RIMS2: variants seen among roughly 807,000 people sequenced by gnomAD.
RIMS2 encodes regulating synaptic membrane exocytosis protein 2.
In RIMS2, 59 loss-of-function variants were observed where a neutral mutation model predicts 174.4. That is an observed-to-expected ratio of 0.34 (90% CI 0.27 to 0.42). The LOEUF is 0.42. RIMS2 is among the 10% of genes least tolerant of loss of function. The probability of loss-of-function intolerance (pLI) is 1.00; values close to 1 mark genes in which losing one functional copy is unlikely to be tolerated. For synonymous variants in RIMS2, 606 were observed against 572.5 expected, an observed-to-expected ratio of 1.06 and a Z score of -0.84; for missense variants, 1,620 against 1,666.3, an observed-to-expected ratio of 0.97 and a Z score of 0.48.
At chr8:104,214,654 G>T (rs185970906) in intron 19 of RIMS2, among the ~76,000 whole-genome samples, 119 of 152,226 alleles carry the variant, frequency 7.8e-4, no homozygotes, top group African/African-American at 2.7e-3. Context: ...CACCATGTTG[G>T]CCAGGCTGAT....
intron 1 of RIMS2, among the ~76,000 whole-genome samples, chr8:103,552,908 A>G (rs576463405): frequency 6.6e-6 from 1 of 152,332 alleles, no homozygotes; most frequent in Non-Finnish European, 1.5e-5. Flanking sequence ...ACCATCTCAC[A>G]CCAGTTAGAA....
At chr8:104,230,451 G>T (rs1209074729) in intron 19 of RIMS2, among the ~76,000 whole-genome samples, 2 of 151,974 alleles carry the variant, frequency 1.3e-5, no homozygotes, top group African/African-American at 4.8e-5. Context: ...TTCACAACCA[G>T]CATGGGCAAC....
chr8:103,637,706 T>C (rs879929242), intron 1 of RIMS2, among the ~76,000 whole-genome samples: 17 of 152,182 alleles, frequency 1.1e-4, no homozygotes, highest in Non-Finnish European at 2.2e-4. Context: ...AGTGTATTTA[T>C]CAAAACAAAG....
In RIMS2 at chr8:103,908,975, T is replaced by C. The variant is rs555310885; in HGVS notation, c.1625-1159T>C. 8.5e-5 allele frequency among the ~76,000 whole-genome samples: 13 copies of C among 152,330 alleles called. No individual in the cohort carries two copies. In the East Asian group the frequency reaches 2.3e-3, roughly 27 times the overall value. On this transcript the variant is annotated intron_variant, in intron 4 of 23. Transcript: ENST00000504942. ...AATACTATATTCTTCTTCATTCTTT[T>C]TGGTTCAGAAACCATGGTGTTCCTT... is the stretch of plus-strand genomic sequence containing the variant.
At chr8:104,235,537 C>T (rs527703219) in intron 19 of RIMS2, among the ~76,000 whole-genome samples, 159 of 152,110 alleles carry the variant, frequency 1.0e-3, no homozygotes, top group African/African-American at 3.7e-3. Context: ...TGAGTTTTTT[C>T]CCAACTTTTA....
At chr8:103,676,728 AT>A (rs2136534707) in intron 1 of RIMS2, among the ~76,000 whole-genome samples, 1 of 152,274 alleles carries the variant, frequency 6.6e-6, no homozygotes, top group African/African-American at 2.4e-5. Flanking sequence ...TACACCTGTA[AT>A]CCCAGCACTT....
At chr8:103,893,208 A>G (rs1461016260) in intron 4 of RIMS2, among the ~76,000 whole-genome samples, 1 of 152,104 alleles carries the variant, frequency 6.6e-6, no homozygotes, top group Non-Finnish European at 1.5e-5. Flanking sequence ...GAAACATGAA[A>G]TAAGATAGCA....
intron 2 of RIMS2, among the ~76,000 whole-genome samples, chr8:103,748,330 A>G (rs1054117923): frequency 6.6e-6 from 1 of 151,996 alleles, no homozygotes; most frequent in Non-Finnish European, 1.5e-5. Context: ...CTGTAGTCCC[A>G]GCTACTTGAG....
At chr8:103,526,954 G>A (rs1259715143) in intron 1 of RIMS2, among the ~76,000 whole-genome samples, 1 of 152,084 alleles carries the variant, frequency 6.6e-6, no homozygotes. Flanking sequence ...ACCATAGCTA[G>A]GCATATCACA....
chr8:103,942,187 C>T (rs1450197602), intron 13 of RIMS2, among the ~76,000 whole-genome samples: 2 of 152,148 alleles, frequency 1.3e-5, no homozygotes, highest in Non-Finnish European at 2.9e-5. Context: ...TTATTTGCCT[C>T]TGTGGGTCCA....
chr8:103,582,620 A>C (rs1563876145), intron 1 of RIMS2, among the ~76,000 whole-genome samples: 2 of 152,118 alleles, frequency 1.3e-5, no homozygotes, highest in African/African-American at 4.8e-5. Flanking sequence ...GAAACCTTGG[A>C]CCTTAAAGGA....
intron 19 of RIMS2, among the ~76,000 whole-genome samples, chr8:104,086,138 A>G (rs1480438531): frequency 6.6e-6 from 1 of 152,076 alleles, no homozygotes; most frequent in East Asian, 1.9e-4. Flanking sequence ...CATAGAGTAG[A>G]AACCCTGAGT....
chr8:104,080,307 C>T (rs1269316159), intron 19 of RIMS2, among the ~76,000 whole-genome samples: 2 of 152,036 alleles, frequency 1.3e-5, no homozygotes, highest in Non-Finnish European at 2.9e-5. Context: ...TAATCAGTCT[C>T]ATCATTAATT....
chr8:103,918,733 A>G, intron 9 of RIMS2: 5 of 410,408 alleles, frequency 1.2e-5, no homozygotes, highest in Non-Finnish European at 2.2e-5. Context: ...ATTAAGGTAT[A>G]CTACAATAAA....
At chr8:103,592,578 G>A (rs966842565) in intron 1 of RIMS2, among the ~76,000 whole-genome samples, 2 of 151,432 alleles carry the variant, frequency 1.3e-5, no homozygotes, top group Admixed American at 6.6e-5. Flanking sequence ...TTCTCAAAGT[G>A]TGATATGTGG....
chr8:103,578,603 A>G (rs906878038), intron 1 of RIMS2, among the ~76,000 whole-genome samples: 2 of 152,112 alleles, frequency 1.3e-5, no homozygotes, highest in African/African-American at 4.8e-5. Context: ...AAGGAGCTCC[A>G]TTTTGTCTGG....
At chr8:103,893,792 CAG>C (rs766635151) in intron 4 of RIMS2, among the ~76,000 whole-genome samples, 14 of 151,996 alleles carry the variant, frequency 9.2e-5, no homozygotes, top group Non-Finnish European at 1.9e-4. Flanking sequence ...GTAGTTGAGA[CAG>C]ATTACATGTT....
At chr8:103,709,817 A>C (rs934910152) in intron 2 of RIMS2, among the ~76,000 whole-genome samples, 1 of 151,770 alleles carries the variant, frequency 6.6e-6, no homozygotes, top group Non-Finnish European at 1.5e-5. Context: ...CTGTCTCTTT[A>C]TATGTTGAGG....
At chr8:103,875,989 T>C (rs565208875) in intron 3 of RIMS2, among the ~76,000 whole-genome samples, 1 of 152,170 alleles carries the variant, frequency 6.6e-6, no homozygotes, top group African/African-American at 2.4e-5. Flanking sequence ...TTGACTTCCT[T>C]GTACAATCTA....
Sources: gnomAD v4.1 joint callset for allele counts (sites outside exome capture counted in the v4.1 genomes callset) on GRCh38, gnomAD v4.1.1 for gene constraint, MANE v1.5 for transcripts, NCBI Gene and HGNC (gene_info 2026-07-23, HGNC 2026-07-21) for gene names.